Variants in SLC2A7 observed in about 807,000 individuals in gnomAD.
SLC2A7 encodes the protein solute carrier family 2, facilitated glucose transporter member 7.
A neutral mutation model predicts 50.5 loss-of-function variants in SLC2A7; 50 were observed. That is an observed-to-expected ratio of 0.99 (90% CI 0.79 to 1.25). The LOEUF is 1.25. SLC2A7 is among the 50% of genes most tolerant of loss of function. The pLI, the probability that SLC2A7 is intolerant of heterozygous loss-of-function variation, is 0.00. For missense variants in SLC2A7, 683 were observed against 679.1 expected (o/e 1.01, Z -0.06); for synonymous variants, 308 against 300.4 (o/e 1.03, Z -0.26).
intron 5 of SLC2A7, among the ~76,000 whole-genome samples, chr1:9,015,723 C>CT (rs59752312): frequency 0.013 from 1,657 of 129,426 alleles, 18 homozygotes; most frequent in African/African-American, 0.021. Context: ...TGGACAAGTT[C>CT]TTTTTTTTTT....
At position 9,003,496 on chromosome 1, in the gene SLC2A7, A is replaced by G. The variant is rs1640605619; in HGVS notation, c.1343T>C (p.Phe448Ser). 6.2e-7 allele frequency: 1 copy of G among 1,614,100 alleles called. No individual in the cohort carries two copies. The highest frequency in any genetic ancestry group is 1.3e-5 in the African/African-American group (1 of 74,928). ...GAGGCAGATTCCGGCAAAGATGATGAAACTGTAGGCACCGATGGCCTCCTA... is the reference window on the plus strand; with the variant it reads ...GAGGCAGATTCCGGCAAAGATGATGGAACTGTAGGCACCGATGGCCTCCTA... ...SIQEAIGAYS[F>S]IIFAGICLLT... is the part of the protein sequence containing the mutation. Residue 448 changes from phenylalanine (F) to serine (S), a missense_variant, in exon 12 of 12, where the codon TTC becomes TCC. By Grantham distance (155) the Phe-to-Ser change is radical. Transcript: ENST00000400906.
At chr1:9,007,879 C>T (rs368327239) in intron 9 of SLC2A7, among the ~76,000 whole-genome samples, 29 of 152,104 alleles carry the variant, frequency 1.9e-4, no homozygotes, top group Admixed American at 9.8e-4. Context: ...GGACTAGAGG[C>T]GTGCGCCACC....
rs561149973 is a variant in SLC2A7 at position 9,015,236 on chromosome 1, G to A, written c.596C>T (p.Pro199Leu). The change falls in exon 6 of 12, where the codon CCG becomes CTG. Residue 199 changes from proline (P) to leucine (L), a missense_variant. Pro to Leu is a moderately conservative substitution (Grantham distance 98). Transcript: ENST00000400906. ...QAILGNPAGW[P>L]VLLALTGVPA... ...CACCCCTGTGAGCGCCAGAAGCACC[G>A]GCCAGCCTGCAAGGAGCCAAGGACT... is the stretch of plus-strand genomic sequence containing the variant. The A allele has an allele frequency of 6.1e-5, 98 of 1,594,568 alleles. No individual in the cohort carries two copies. The South Asian group carries it at 8.1e-4, about 13-fold the overall frequency.
chr1:9,015,050 C>A (rs1640807984), intron 6 of SLC2A7, 67 bp downstream of exon 6: 1 of 1,597,760 alleles, frequency 6.3e-7, no homozygotes, highest in African/African-American at 1.3e-5. Context: ...TGACTGTGGC[C>A]CTGACCGTGT....
chr1:9,019,899 G>C (rs776836393), intron 3 of SLC2A7, among the ~76,000 whole-genome samples: 5 of 151,988 alleles, frequency 3.3e-5, no homozygotes, highest in Admixed American at 6.6e-5. Flanking sequence ...ACTCCATCCA[G>C]AGCCACAGAG....
chr1:9,007,390 G>C lies in SLC2A7; in HGVS notation c.1117-5C>G. ...GGACAGCTCGGGGACCCTGTTCTGT[G>C]GGGAGAGGCAGGGCTGTCTGGGCTG... On this transcript the variant is annotated splice_region_variant and splice_polypyrimidine_tract_variant and intron_variant, in intron 9 of 11. Coordinates refer to ENST00000400906, the MANE Select transcript of SLC2A7 (RefSeq NM_207420.3). The C allele has an allele frequency of 6.2e-7, 1 of 1,614,070 alleles. No individual in the cohort carries two copies. The highest frequency in any genetic ancestry group is 1.7e-4 in the Middle Eastern group (1 of 6,048).
intron 9 of SLC2A7, among the ~76,000 whole-genome samples, chr1:9,007,891 C>T (rs527958199): frequency 4.7e-4 from 71 of 152,184 alleles, no homozygotes; most frequent in Middle Eastern, 3.4e-3. Context: ...TGCGCCACCA[C>T]GCCCGGCTTA....
downstream of SLC2A7, among the ~76,000 whole-genome samples, chr1:9,002,526 T>C (rs1640589548): frequency 6.6e-6 from 1 of 152,178 alleles, no homozygotes; most frequent in Admixed American, 6.6e-5. Context: ...AACTTATTTA[T>C]GACACAGAGC....
chr1:9,004,747 C>T lies in SLC2A7; in HGVS notation c.1320+5G>A, dbSNP rs749181162. ...GAGCGGGTTGGGGAAGGGGCCCTCA[C>T]TCACCTGGATGGATGGGAACAGGAA... On this transcript the variant is annotated splice_donor_5th_base_variant and intron_variant, in intron 11 of 11. Coordinates refer to ENST00000400906, the MANE Select transcript of SLC2A7 (RefSeq NM_207420.3). 13 of 1,613,790 alleles carry T rather than the reference C, an allele frequency of 8.1e-6. No homozygotes were observed. In the East Asian group the frequency reaches 2.7e-4, roughly 33 times the overall value.
At chr1:9,012,363 G>A (rs1474168040) in intron 8 of SLC2A7, among the ~76,000 whole-genome samples, 1 of 152,156 alleles carries the variant, frequency 6.6e-6, no homozygotes, top group Non-Finnish European at 1.5e-5. Flanking sequence ...TTATCCCCAA[G>A]GAGGAGGACT....
chr1:9,013,099 C>T (rs184000084), intron 8 of SLC2A7, among the ~76,000 whole-genome samples: 1 of 152,276 alleles, frequency 6.6e-6, no homozygotes, highest in East Asian at 1.9e-4. Flanking sequence ...ACCATGTTGA[C>T]CAGGCTGGTC....
intron 8 of SLC2A7, among the ~76,000 whole-genome samples, chr1:9,010,878 T>C (rs1369020594): frequency 3.3e-5 from 5 of 152,232 alleles, no homozygotes; most frequent in Non-Finnish European, 5.9e-5. Context: ...GGGACCTTTA[T>C]GGCCCTGGAG....
chr1:8,999,226 G>A (rs1249123106), downstream of SLC2A7, among the ~76,000 whole-genome samples: 1 of 152,086 alleles, frequency 6.6e-6, no homozygotes, highest in African/African-American at 2.4e-5. Context: ...TAGCCAGGCT[G>A]GTCTCGAACT....
rs565351164 is a variant in SLC2A7 at position 9,023,404 on chromosome 1, G to A, written c.151-326C>T. On this transcript the variant is annotated intron_variant, in intron 2 of 11. Transcript: ENST00000400906. ...GGGCAGATCATGAAGTCAGGAGATCGAGACCACCCTGGCTAACACAGTGAA... is the reference window on the plus strand; with the variant it reads ...GGGCAGATCATGAAGTCAGGAGATCAAGACCACCCTGGCTAACACAGTGAA... Among the ~76,000 whole-genome samples, 7 of 151,908 alleles carry A rather than the reference G, an allele frequency of 4.6e-5. No individual in the cohort carries two copies. In the South Asian group the frequency reaches 1.2e-3, roughly 27 times the overall value.
chr1:9,024,648 A>T (rs1447132874), intron 2 of SLC2A7, among the ~76,000 whole-genome samples: 1 of 152,040 alleles, frequency 6.6e-6, no homozygotes, highest in Non-Finnish European at 1.5e-5. Flanking sequence ...CTTTGACCCC[A>T]TTCTCTTTCC....
the SLC2A7 span, among the ~76,000 whole-genome samples, chr1:8,994,387 C>T: frequency 2.0e-4 from 31 of 152,334 alleles, no homozygotes; most frequent in Non-Finnish European, 2.4e-4. Context: ...CAAACAATCT[C>T]GTATCTATGA....
intron 10 of SLC2A7, among the ~76,000 whole-genome samples, chr1:9,005,943 A>C (rs79177249): frequency 0.024 from 3,689 of 152,140 alleles, 158 homozygotes; most frequent in African/African-American, 0.085. Flanking sequence ...CAGGGCCCTG[A>C]CCCCAAAGTG....
At chr1:9,006,035 G>A (rs1317026840) in intron 10 of SLC2A7, among the ~76,000 whole-genome samples, 1 of 152,132 alleles carries the variant, frequency 6.6e-6, no homozygotes, top group Non-Finnish European at 1.5e-5. Flanking sequence ...GGTCTAAGTT[G>A]AATGTCAGAT....
At chr1:9,017,088 A>C (rs139419200) in intron 5 of SLC2A7, among the ~76,000 whole-genome samples, 1 of 152,196 alleles carries the variant, frequency 6.6e-6, no homozygotes, top group Non-Finnish European at 1.5e-5. Context: ...AAAACTGGCC[A>C]TACGGGTGGA....
Sources: gnomAD v4.1 joint callset for allele counts (sites outside exome capture counted in the v4.1 genomes callset) on GRCh38, gnomAD v4.1.1 for gene constraint, MANE v1.5 for transcripts, NCBI Gene and HGNC (gene_info 2026-07-23, HGNC 2026-07-21) for gene names.